Variants in RAB6B observed in about 807,000 individuals in gnomAD.
RAB6B encodes RAB6B, member RAS oncogene family.
In RAB6B, 7 loss-of-function variants were observed where a neutral mutation model predicts 31.2. The ratio of observed to expected loss-of-function variants is 0.22; its 90% confidence interval spans 0.13 to 0.42. The LOEUF is 0.42. Ranked by LOEUF, RAB6B falls within the 10% of genes least tolerant of loss-of-function variation. The probability of loss-of-function intolerance (pLI) is 1.00; values close to 1 mark genes in which losing one functional copy is unlikely to be tolerated. For missense variants in RAB6B, 149 were observed against 280.6 expected (o/e 0.53, Z 3.35); for synonymous variants, 105 against 104.9 (o/e 1.00, Z -0.01).
intron 2 of RAB6B, among the ~76,000 whole-genome samples, chr3:133,851,854 T>C (rs1307408258): frequency 6.6e-6 from 1 of 152,148 alleles, no homozygotes; most frequent in Non-Finnish European, 1.5e-5. Flanking sequence ...AAAGACGACC[T>C]TCATGGGCTG....
intron 4 of RAB6B, among the ~76,000 whole-genome samples, chr3:133,840,226 C>A (rs1227860695): frequency 6.6e-6 from 1 of 152,100 alleles, no homozygotes; most frequent in African/African-American, 2.4e-5. Context: ...CAGGTGCACT[C>A]AAAAATCCAG....
intron 7 of RAB6B, among the ~76,000 whole-genome samples, chr3:133,832,071 C>A (rs75755191): frequency 1.3e-5 from 2 of 152,166 alleles, no homozygotes; most frequent in African/African-American, 4.8e-5. Context: ...TGGTTTGCGG[C>A]GTCACTGTCC....
chr3:133,827,965 A>T lies in RAB6B; in HGVS notation c.*823T>A, dbSNP rs1455933751. 1.4e-6 allele frequency: 1 copy of T among 703,024 alleles called. No homozygotes were observed. The highest frequency in any genetic ancestry group is 2.6e-6 in the Non-Finnish European group (1 of 385,010). 43.5% of individuals were successfully genotyped at this position (703,024 alleles called of 1,614,324 possible). A position where few individuals can be genotyped will look rare whatever the true frequency, so the allele number is the denominator to read the frequency against. ...CCAGTCTATAAACCACGCACCACGC[A>T]GCTGCAATTGCCAACAGCACCTCGT... On this transcript the variant is annotated 3_prime_UTR_variant, in exon 8 of 8. Transcript: ENST00000285208.
intron 6 of RAB6B, among the ~76,000 whole-genome samples, chr3:133,837,002 G>C (rs886662604): frequency 3.3e-5 from 5 of 152,166 alleles, no homozygotes; most frequent in Admixed American, 1.3e-4. Context: ...GCTTGCCAAG[G>C]GTTCCCAGCA....
intron 4 of RAB6B, among the ~76,000 whole-genome samples, chr3:133,839,987 TACACACACACACAC>T (rs58229770): frequency 1.3e-5 from 2 of 149,948 alleles, no homozygotes; most frequent in African/African-American, 2.5e-5. Flanking sequence ...TGTGTGTGCA[TACACACACACACAC>T]ACACATGCGC....
At chr3:133,829,414 G>A (rs552111709) in intron 7 of RAB6B, among the ~76,000 whole-genome samples, 9 of 152,282 alleles carry the variant, frequency 5.9e-5, no homozygotes, top group African/African-American at 1.2e-4. Flanking sequence ...TGGTGCCCCC[G>A]GGGGCTGTGG....
In RAB6B at chr3:133,825,253, C is replaced by A. The variant is rs1935540210; in HGVS notation, c.*3535G>T. The A allele has an allele frequency of 1.3e-5, 2 of 152,222 alleles. No homozygotes were observed. Among genetic ancestry groups the A allele is most frequent in the South Asian group, 4.1e-4 (2 of 4,826 alleles). 9.4% of individuals were successfully genotyped at this position (152,222 alleles called of 1,614,324 possible). On this transcript the variant is annotated 3_prime_UTR_variant, in exon 8 of 8. Coordinates refer to ENST00000285208, the MANE Select transcript of RAB6B (RefSeq NM_016577.4). ...TGCAGGATGCTGAAGCCAGGAGGGC[C>A]ATCCCTTTATTGTCACAACTGGTAT... is the stretch of plus-strand genomic sequence containing the variant.
At position 133,834,586 on chromosome 3, in the gene RAB6B, C is replaced by T; in HGVS notation, c.551G>A (p.Ser184Asn). 3 of 1,613,592 alleles carry T rather than the reference C, an allele frequency of 1.9e-6. No individual in the cohort carries two copies. The highest frequency in any genetic ancestry group is 1.3e-5 in the African/African-American group (1 of 75,052). The change falls in exon 7 of 8, where the codon AGC (serine) becomes AAC (asparagine). Residue 184 changes from serine (S) to asparagine (N), a missense_variant. Physicochemically the swap from Ser to Asn is conservative, Grantham distance 46 (BLOSUM62 1). Coordinates refer to ENST00000285208, the MANE Select transcript of RAB6B (RefSeq NM_016577.4). ...AAGGAAAAGGATACTCCCTTCTTTG[C>T]TTTTCTCCTGGACATTCTCCATTCC... The part of the protein sequence containing the change: ...LPGMENVQEK[S>N]KEGMIDIKLD...
chr3:133,889,438 A>ATATC (rs1936604978), intron 1 of RAB6B, among the ~76,000 whole-genome samples: 3 of 70,760 alleles, frequency 4.2e-5, no homozygotes, highest in Admixed American at 1.6e-4. Context: ...ATATATATAT[A>ATATC]TATATATTTA....
intron 1 of RAB6B, among the ~76,000 whole-genome samples, chr3:133,881,692 A>G (rs189849966): frequency 4.7e-4 from 71 of 152,340 alleles, no homozygotes; most frequent in African/African-American, 1.6e-3. Context: ...ACACAAAGAC[A>G]GAACAGGAAG....
At chr3:133,841,824 A>T (rs1935837754) in intron 2 of RAB6B, among the ~76,000 whole-genome samples, 161 bp from the exon 3 acceptor site, 1 of 152,154 alleles carries the variant, frequency 6.6e-6, no homozygotes, top group Admixed American at 6.5e-5. Context: ...GCTACCACTC[A>T]GCGGCTCTCT....
chr3:133,869,157 C>A (rs536234794), intron 1 of RAB6B, among the ~76,000 whole-genome samples: 2 of 152,298 alleles, frequency 1.3e-5, no homozygotes, highest in Non-Finnish European at 2.9e-5. Flanking sequence ...TGTGCAAAGG[C>A]ACAGAGACAG....
At chr3:133,857,332 A>C (rs1936095792) in intron 2 of RAB6B, among the ~76,000 whole-genome samples, 1 of 152,110 alleles carries the variant, frequency 6.6e-6, no homozygotes, top group African/African-American at 2.4e-5. Context: ...GCTTAAAAAA[A>C]AGAGTAATAC....
At chr3:133,847,991 T>C (rs112201372) in intron 2 of RAB6B, among the ~76,000 whole-genome samples, 44 of 152,320 alleles carry the variant, frequency 2.9e-4, no homozygotes, top group Non-Finnish European at 2.8e-4. Flanking sequence ...GCTTCAAATA[T>C]GATATACTGA....
At chr3:133,857,190 T>C (rs1936092580) in intron 2 of RAB6B, among the ~76,000 whole-genome samples, 1 of 152,158 alleles carries the variant, frequency 6.6e-6, no homozygotes, top group South Asian at 2.1e-4. Context: ...TGGCCCATAA[T>C]TTTCCATCAC....
intron 1 of RAB6B, among the ~76,000 whole-genome samples, chr3:133,886,262 C>A (rs545340563): frequency 6.6e-6 from 1 of 152,338 alleles, no homozygotes; most frequent in East Asian, 1.9e-4. Flanking sequence ...CCTTCCCTGA[C>A]TCCTCCAAGC....
At chr3:133,842,177 C>T (rs1270789537) in intron 2 of RAB6B, among the ~76,000 whole-genome samples, 1 of 152,216 alleles carries the variant, frequency 6.6e-6, no homozygotes, top group African/African-American at 2.4e-5. Flanking sequence ...TTCTCAGGTG[C>T]GGGCACTGCA....
intron 1 of RAB6B, among the ~76,000 whole-genome samples, chr3:133,884,090 C>T (rs1009603332): frequency 2.0e-5 from 3 of 152,148 alleles, no homozygotes; most frequent in Non-Finnish European, 2.9e-5. Context: ...TCAAAGAGGC[C>T]AAGGGTGGTG....
At position 133,889,409 on chromosome 3, in the gene RAB6B, TA is replaced by T. The variant is rs1559915434; in HGVS notation, c.70+5987del. Among the ~76,000 whole-genome samples, 225 of 43,412 alleles carry T rather than the reference TA, an allele frequency of 5.2e-3. 15 individuals are homozygous for T. The highest frequency in any genetic ancestry group is 0.028 in the African/African-American group (208 of 7,304). The allele number at this position is 43,412 out of a possible 152,430, so 28.5% of individuals were successfully genotyped here. A position where few individuals can be genotyped will look rare whatever the true frequency, so the allele number is the denominator to read the frequency against. The stretch of plus-strand genomic sequence containing the variant: ...TTTGTTATATATATATATATATATA[TA>T]TATATATATATATATATATATATAT... On this transcript the variant is annotated intron_variant, in intron 1 of 7. Transcript: ENST00000285208.
Sources: allele counts gnomAD v4.1 joint callset (sites outside exome capture counted in the v4.1 genomes callset), GRCh38; gene constraint gnomAD v4.1.1; transcripts MANE v1.5; gene names NCBI Gene and HGNC (gene_info 2026-07-23, HGNC 2026-07-21).